Variants in NPAS2 observed in about 807,000 individuals in gnomAD.
NPAS2 encodes the protein neuronal PAS domain-containing protein 2.
A neutral mutation model predicts 107.5 loss-of-function variants in NPAS2; 23 were observed. That is an observed-to-expected ratio of 0.21 (90% CI 0.15 to 0.30). NPAS2 has a LOEUF of 0.30. Among genes scored for constraint, NPAS2 ranks in the 10% least tolerant of loss-of-function variants. NPAS2 has a pLI of 1.00. For missense variants in NPAS2, 756 were observed against 1,043.3 expected (o/e 0.72, Z 3.79); for synonymous variants, 403 against 417.5 (o/e 0.97, Z 0.42).
chr2:100,857,578 G>A (rs1678657519), intron 1 of NPAS2, among the ~76,000 whole-genome samples: 1 of 152,186 alleles, frequency 6.6e-6, no homozygotes, highest in South Asian at 2.1e-4. Context: ...CCATTGGATA[G>A]GTCACTAGAT....
chr2:100,974,366 G>C (rs923676795), intron 12 of NPAS2, among the ~76,000 whole-genome samples: 4 of 152,162 alleles, frequency 2.6e-5, no homozygotes, highest in Admixed American at 1.3e-4. Flanking sequence ...CAGAGAATGA[G>C]TAACAGGAGA....
In NPAS2 at chr2:100,925,210, A is replaced by G; in HGVS notation, c.97A>G (p.Ser33Gly). ...GTTCAATGTTCTCATCAAAGAGCTCAGTTCCATGCTCCCTGGCAACACGCG... is the reference window on the plus strand; with the variant it reads ...GTTCAATGTTCTCATCAAAGAGCTCGGTTCCATGCTCCCTGGCAACACGCG... ...DQFNVLIKEL[S>G]SMLPGNTRKM... The change falls in exon 3 of 21, where the codon AGT becomes GGT. Residue 33 changes from serine (S) to glycine (G), a missense_variant. This residue lies in a region of NPAS2 where 146 missense variants were observed against 249.6 expected (regional missense o/e 0.58). Transcript: ENST00000335681. 6.2e-7 allele frequency: 1 copy of G among 1,614,184 alleles called. No individual in the cohort carries two copies.
At chr2:100,866,846 C>T (rs917012545) in intron 1 of NPAS2, among the ~76,000 whole-genome samples, 2 of 152,186 alleles carry the variant, frequency 1.3e-5, no homozygotes, top group Non-Finnish European at 2.9e-5. Context: ...TCTCAATGGT[C>T]ATTTTAGGAG....
At chr2:100,967,211 A>G (rs981648119) in intron 10 of NPAS2, among the ~76,000 whole-genome samples, 1 of 147,668 alleles carries the variant, frequency 6.8e-6, no homozygotes, top group Non-Finnish European at 1.5e-5. Context: ...TCCTCTTCAG[A>G]TAATCACATT....
Position 100,820,920 on chromosome 2 carries a change from G to T in NPAS2, c.-23+506G>T. ...GTCGGAATTGGTTCCGGGCCGGATT[G>T]GGTGCGGAATCGGTGCCCCCAACCC... On this transcript the variant is annotated intron_variant, in intron 1 of 20. Transcript: ENST00000335681. This position sits in a 1 kb window ranked among gnomAD's most constrained non-coding sequence, Gnocchi z 5.6. 3 of 656,768 alleles carry T rather than the reference G, an allele frequency of 4.6e-6. No individual in the cohort carries two copies. Among genetic ancestry groups the T allele is most frequent in the Non-Finnish European group, 6.8e-6 (3 of 439,826 alleles). 40.7% of individuals were successfully genotyped at this position (656,768 alleles called of 1,614,324 possible). A position where few individuals can be genotyped will look rare whatever the true frequency, so the allele number is the denominator to read the frequency against.
At chr2:100,953,264 A>G (rs987913936) in intron 7 of NPAS2, among the ~76,000 whole-genome samples, 5 of 151,666 alleles carry the variant, frequency 3.3e-5, no homozygotes, top group African/African-American at 7.3e-5. Context: ...AATCCCAGCT[A>G]TCAGGAGGGT....
At chr2:100,901,655 C>G in intron 1 of NPAS2, 1 of 556,916 alleles carries the variant, frequency 1.8e-6, no homozygotes, top group Non-Finnish European at 2.3e-6. Context: ...TGTCCCTTCA[C>G]TGAAGGCCGC....
At chr2:100,884,491 T>A (rs1278596734) in intron 1 of NPAS2, among the ~76,000 whole-genome samples, 1 of 152,238 alleles carries the variant, frequency 6.6e-6, no homozygotes, top group Non-Finnish European at 1.5e-5. Context: ...AAGTATCCCT[T>A]GTCTTATCAT....
intron 19 of NPAS2, among the ~76,000 whole-genome samples, chr2:100,991,976 C>T (rs1678161571): frequency 6.6e-6 from 1 of 152,194 alleles, no homozygotes; most frequent in Non-Finnish European, 1.5e-5. Flanking sequence ...CTTTCTGGCC[C>T]TCCCTTTGGT....
intron 1 of NPAS2, among the ~76,000 whole-genome samples, chr2:100,875,221 A>G (rs77125524): frequency 0.051 from 7,803 of 152,134 alleles, 660 homozygotes; most frequent in African/African-American, 0.18. Flanking sequence ...TACCTGAGTC[A>G]CTTAGAGTTG....
chr2:100,845,168 G>C (rs900696022), intron 1 of NPAS2, among the ~76,000 whole-genome samples: 1 of 152,212 alleles, frequency 6.6e-6, no homozygotes, highest in Non-Finnish European at 1.5e-5. Context: ...TCTCTGGTTG[G>C]TTCTAAGTTG....
intron 7 of NPAS2, among the ~76,000 whole-genome samples, chr2:100,954,855 T>TTTTGTTTTC (rs1675470443): frequency 7.5e-6 from 1 of 132,642 alleles, no homozygotes; most frequent in African/African-American, 2.8e-5. Flanking sequence ...AACATCATTT[T>TTTTGTTTTC]TTTGTTTTTT....
chr2:100,945,144 C>A (rs1674808927), intron 5 of NPAS2, among the ~76,000 whole-genome samples: 1 of 152,158 alleles, frequency 6.6e-6, no homozygotes, highest in Non-Finnish European at 1.5e-5. Flanking sequence ...AGAGAGGATC[C>A]TGGTAGAGTT....
chr2:100,821,054 T>G (rs772003723), intron 1 of NPAS2: 2 of 1,303,878 alleles, frequency 1.5e-6, no homozygotes, highest in African/African-American at 1.5e-5. Context: ...TGTTGGGAGA[T>G]GTGCCCCTTT....
intron 1 of NPAS2, among the ~76,000 whole-genome samples, chr2:100,869,806 C>T (rs1272522623): frequency 6.6e-6 from 1 of 152,012 alleles, no homozygotes; most frequent in Non-Finnish European, 1.5e-5. Context: ...AAGGCTTGGG[C>T]CGGGGCTCCC....
chr2:100,849,660 T>TA (rs943032198), intron 1 of NPAS2, among the ~76,000 whole-genome samples: 2 of 152,226 alleles, frequency 1.3e-5, no homozygotes, highest in African/African-American at 4.8e-5. Flanking sequence ...TTTGAATTGT[T>TA]ACATTCTTTA....
At chr2:100,835,418 G>A (rs965596871) in intron 1 of NPAS2, among the ~76,000 whole-genome samples, 1 of 152,182 alleles carries the variant, frequency 6.6e-6, no homozygotes, top group Admixed American at 6.5e-5. Flanking sequence ...CTGTGCGGCG[G>A]CTGGGTGCAT....
chr2:100,948,149 G>T, intron 5 of NPAS2, 86 bp from the exon 6 acceptor site: 3 of 1,458,800 alleles, frequency 2.1e-6, no homozygotes, highest in Non-Finnish European at 2.8e-6. Flanking sequence ...CCAGTTCTGC[G>T]TTGTTGTGAA....
intron 16 of NPAS2, chr2:100,983,978 TC>T (rs937542657): frequency 2.0e-5 from 3 of 152,232 alleles, no homozygotes; most frequent in African/African-American, 7.2e-5. Flanking sequence ...TCCTGCCTTT[TC>T]TGAATTTTAA....
Sources: allele counts gnomAD v4.1 joint callset (sites outside exome capture counted in the v4.1 genomes callset), GRCh38; gene constraint gnomAD v4.1.1; regional missense constraint gnomAD v4.1.1; non-coding constraint Gnocchi (gnomAD v3.1); transcripts MANE v1.5; gene names NCBI Gene and HGNC (gene_info 2026-07-23, HGNC 2026-07-21).